PNLIP: variants seen among roughly 807,000 people sequenced by gnomAD.
The protein encoded by PNLIP is pancreatic triacylglycerol lipase.
A neutral mutation model predicts 57.1 loss-of-function variants in PNLIP; 49 were observed. The ratio of observed to expected loss-of-function variants is 0.86; its 90% CI spans 0.68 to 1.09. PNLIP has a LOEUF of 1.09. Among genes scored for constraint, PNLIP ranks in the 50% least tolerant of loss-of-function variants. The pLI is 0.00. For synonymous variants in PNLIP, 209 were observed against 200.4 expected (o/e 1.04, Z -0.36); for missense variants, 503 against 570.2 (o/e 0.88, Z 1.20).
intron 3 of PNLIP, 29 bp from the exon 4 acceptor site, chr10:116,548,331 T>G: frequency 6.2e-7 from 1 of 1,611,474 alleles, no homozygotes; most frequent in Non-Finnish European, 8.5e-7. Context: ...TATAGGAAAC[T>G]GACATGAAAC....
chr10:116,559,058 G>A, intron 9 of PNLIP, 96 bp from the exon 10 acceptor site: 3 of 1,460,146 alleles, frequency 2.1e-6, no homozygotes. Flanking sequence ...GAACAGAACT[G>A]GCTTTAGAAT....
chr10:116,551,275 T>C (rs1348818190), intron 5 of PNLIP, 43 bp downstream of exon 5: 9 of 1,296,250 alleles, frequency 6.9e-6, no homozygotes, highest in African/African-American at 1.8e-5. Context: ...CACATGGTTT[T>C]CCAGATTATC....
At chr10:116,564,163 G>T (rs1847342307) in intron 12 of PNLIP, among the ~76,000 whole-genome samples, 2 of 152,190 alleles carry the variant, frequency 1.3e-5, no homozygotes, top group South Asian at 2.1e-4. Flanking sequence ...TTATTCAGGT[G>T]ATTACACTAA....
chr10:116,563,896 T>C (rs756785071), intron 12 of PNLIP, among the ~76,000 whole-genome samples: 3 of 152,050 alleles, frequency 2.0e-5, no homozygotes, highest in Non-Finnish European at 4.4e-5. Context: ...AAAAATAACT[T>C]TAAAAGAACA....
At chr10:116,546,868 A>G (rs1010252816) in intron 2 of PNLIP, among the ~76,000 whole-genome samples, 7 of 152,254 alleles carry the variant, frequency 4.6e-5, no homozygotes, top group Admixed American at 6.5e-5. Flanking sequence ...CCTGCAGTAC[A>G]GCAAGGATGG....
At chr10:116,561,943 T>C (rs1847319577) in intron 12 of PNLIP, among the ~76,000 whole-genome samples, 2 of 152,226 alleles carry the variant, frequency 1.3e-5, no homozygotes, top group Non-Finnish European at 1.5e-5. Flanking sequence ...TGTGAGTGCT[T>C]CTTGTGTGCA....
chr10:116,558,126 T>C (rs1236708723), intron 9 of PNLIP, among the ~76,000 whole-genome samples: 1 of 151,668 alleles, frequency 6.6e-6, no homozygotes, highest in Non-Finnish European at 1.5e-5. Context: ...GAGCCTATTG[T>C]CCTCCTAATA....
chr10:116,548,340 A>G lies in PNLIP; in HGVS notation c.202-20A>G. On this transcript the variant is annotated intron_variant, in intron 3 of 12. Coordinates refer to ENST00000369221, the MANE Select transcript of PNLIP (RefSeq NM_000936.4). ...GGCTACTATAGGAAACTGACATGAA[A>G]CACTTTTCTGTCTAAACAGGAAGTT... The G allele has an allele frequency of 6.2e-7, 1 of 1,612,896 alleles. No homozygotes were observed. Among genetic ancestry groups the G allele is most frequent in the South Asian group, 1.1e-5 (1 of 90,950 alleles).
At chr10:116,546,180 T>G in intron 2 of PNLIP, 42 bp downstream of exon 2, 2 of 1,559,462 alleles carry the variant, frequency 1.3e-6, no homozygotes, top group Non-Finnish European at 1.8e-6. Flanking sequence ...AGATTCACTT[T>G]TCAACACGGT....
At chr10:116,549,748 T>C (rs1363765324) in intron 4 of PNLIP, among the ~76,000 whole-genome samples, 1 of 152,198 alleles carries the variant, frequency 6.6e-6, no homozygotes, top group Non-Finnish European at 1.5e-5. Context: ...AAAATGTGAT[T>C]CTCAGTTCAA....
intron 11 of PNLIP, among the ~76,000 whole-genome samples, chr10:116,560,860 G>C (rs188153631): frequency 2.6e-4 from 40 of 152,296 alleles, no homozygotes; most frequent in African/African-American, 9.1e-4. Flanking sequence ...TTACAGGCAT[G>C]AGCCATGGTG....
chr10:116,548,617 T>A, intron 4 of PNLIP, 135 bp downstream of exon 4: 2 of 973,116 alleles, frequency 2.1e-6, no homozygotes, highest in Non-Finnish European at 3.0e-6. Context: ...GGGCCTGGAG[T>A]TCCTAGGGGA....
intron 4 of PNLIP, among the ~76,000 whole-genome samples, chr10:116,549,785 C>T (rs146812674): frequency 1.1e-4 from 17 of 152,260 alleles, no homozygotes; most frequent in African/African-American, 3.9e-4. Context: ...TTTGATATGG[C>T]TATGCAATTT....
intron 6 of PNLIP, among the ~76,000 whole-genome samples, chr10:116,554,697 T>C (rs1178425201): frequency 1.2e-4 from 19 of 152,196 alleles, no homozygotes; most frequent in Admixed American, 1.2e-3. Context: ...CTTGGGATAA[T>C]CTGGACTGCC....
intron 6 of PNLIP, among the ~76,000 whole-genome samples, chr10:116,554,533 T>A (rs1282395698): frequency 1.3e-5 from 2 of 152,188 alleles, no homozygotes; most frequent in African/African-American, 4.8e-5. Flanking sequence ...TTCTAAAACC[T>A]CTGTAAGGTT....
At chr10:116,566,505 GT>G (rs1410808807) in intron 12 of PNLIP, among the ~76,000 whole-genome samples, 1 of 151,948 alleles carries the variant, frequency 6.6e-6, no homozygotes, top group Admixed American at 6.6e-5. Flanking sequence ...CTTCAGAGGT[GT>G]GTGTGTGTTG....
intron 9 of PNLIP, 118 bp downstream of exon 9, chr10:116,556,236 C>A (rs1847252582): frequency 4.6e-6 from 3 of 654,518 alleles, no homozygotes; most frequent in Non-Finnish European, 5.5e-6. Flanking sequence ...CTTATACATG[C>A]CTTTAATTAT....
In PNLIP at chr10:116,549,350, G is replaced by A. The variant is rs1474878501; in HGVS notation, c.324+868G>A. The stretch of plus-strand genomic sequence containing the variant: ...AAAAATTAGCCAGGTATGGTGGCAC[G>A]CACCTGTAATCCCAGCTACTCAGGA... On this transcript the variant is annotated intron_variant, in intron 4 of 12. Transcript: ENST00000369221. 2.6e-5 allele frequency among the ~76,000 whole-genome samples: 4 copies of A among 152,132 alleles called. No individual in the cohort carries two copies. In the East Asian group the frequency reaches 5.8e-4, roughly 22 times the overall value.
In PNLIP at chr10:116,565,249, C is replaced by CAAAAA. The variant is rs71010093; in HGVS notation, c.1335-2468_1335-2464dup. ...TGGGTGACAGAGCGAGACAATGTCT[C>CAAAAA]AAAAAAAAAAAAAAAAAAAAAAGAG... On this transcript the variant is annotated intron_variant, in intron 12 of 12. Coordinates refer to ENST00000369221, the MANE Select transcript of PNLIP (RefSeq NM_000936.4). 7.3e-3 allele frequency among the ~76,000 whole-genome samples: 236 copies of CAAAAA among 32,172 alleles called. 3 individuals carry two copies. Among genetic ancestry groups the CAAAAA allele is most frequent in the East Asian group, 8.7e-3 (8 of 918 alleles). The allele number at this position is 32,172 out of a possible 152,430, so 21.1% of individuals were successfully genotyped here.
Sources: gnomAD v4.1 joint callset for allele counts (sites outside exome capture counted in the v4.1 genomes callset) on GRCh38, gnomAD v4.1.1 for gene constraint, MANE v1.5 for transcripts, NCBI Gene and HGNC (gene_info 2026-07-23, HGNC 2026-07-21) for gene names.